Variants in AGBL1 observed in about 807,000 individuals in gnomAD.
AGBL1 encodes cytosolic carboxypeptidase 4.
Under a neutral mutation model 118.9 loss-of-function variants are expected in AGBL1, and 130 were observed. The observed-to-expected ratio is 1.09, with a 90% CI of 0.95 to 1.26. AGBL1 has a LOEUF of 1.26. Among genes scored for constraint, AGBL1 ranks in the 50% most tolerant of loss-of-function variants. The probability of loss-of-function intolerance (pLI) is 0.00; values close to 1 mark genes in which losing one functional copy is unlikely to be tolerated. For synonymous variants in AGBL1, 555 were observed against 478.9 expected (o/e 1.16, Z -2.08); for missense variants, 1,584 against 1,298.1 (o/e 1.22, Z -3.38).
intron 22 of AGBL1, among the ~76,000 whole-genome samples, chr15:86,844,485 T>C (rs560800093): frequency 7.2e-5 from 11 of 152,316 alleles, no homozygotes; most frequent in African/African-American, 2.6e-4. Context: ...TCTTTTCTTA[T>C]GCCTGTTAGC....
chr15:86,196,068 A>G (rs761003188), intron 5 of AGBL1, among the ~76,000 whole-genome samples: 1 of 152,250 alleles, frequency 6.6e-6, no homozygotes, highest in African/African-American at 2.4e-5. Flanking sequence ...GCATACTAAT[A>G]TATGTTGTAC....
chr15:86,683,139 TG>T (rs1009550425), intron 22 of AGBL1, among the ~76,000 whole-genome samples: 4 of 151,972 alleles, frequency 2.6e-5, no homozygotes, highest in Non-Finnish European at 4.4e-5. Context: ...AACTGACAGA[TG>T]GGGGGGCATT....
At chr15:86,522,486 G>C (rs768156883) in intron 18 of AGBL1, among the ~76,000 whole-genome samples, 1 of 152,192 alleles carries the variant, frequency 6.6e-6, no homozygotes, top group African/African-American at 2.4e-5. Context: ...AGAACGCATA[G>C]CCTAGAGAAA....
intron 22 of AGBL1, among the ~76,000 whole-genome samples, chr15:86,878,056 T>C (rs1055544654): frequency 2.0e-5 from 3 of 152,090 alleles, no homozygotes; most frequent in Non-Finnish European, 4.4e-5. Flanking sequence ...AGAAAATACC[T>C]CCAAGAGGGA....
chr15:86,159,563 A>G (rs962567128), intron 5 of AGBL1, among the ~76,000 whole-genome samples: 4 of 152,056 alleles, frequency 2.6e-5, no homozygotes. Context: ...TGATTGGAAA[A>G]TGAAACTCAG....
chr15:86,495,668 G>T (rs1393837638), intron 18 of AGBL1, among the ~76,000 whole-genome samples: 1 of 151,752 alleles, frequency 6.6e-6, no homozygotes, highest in East Asian at 1.9e-4. Context: ...AAACAACCTG[G>T]TCTCTACAGT....
chr15:86,447,572 T>A (rs2082137510), intron 18 of AGBL1, among the ~76,000 whole-genome samples: 1 of 152,190 alleles, frequency 6.6e-6, no homozygotes, highest in Non-Finnish European at 1.5e-5. Context: ...GAGGTGTGTT[T>A]TAAATCACTC....
chr15:86,663,853 G>GA (rs1454788102), intron 21 of AGBL1, among the ~76,000 whole-genome samples: 4 of 151,954 alleles, frequency 2.6e-5, no homozygotes, highest in African/African-American at 7.2e-5. Flanking sequence ...TTATGCATCC[G>GA]AAAAAAACAG....
At chr15:86,225,853 A>G (rs1312512047) in intron 6 of AGBL1, among the ~76,000 whole-genome samples, 1 of 152,178 alleles carries the variant, frequency 6.6e-6, no homozygotes, top group Non-Finnish European at 1.5e-5. Flanking sequence ...CCCCATCCAT[A>G]CATCTCTGTC....
chr15:86,198,721 C>T (rs1185245279), intron 5 of AGBL1, among the ~76,000 whole-genome samples: 4 of 151,704 alleles, frequency 2.6e-5, no homozygotes, highest in Non-Finnish European at 5.9e-5. Context: ...GAGGGAGGGC[C>T]ATGTAAGAAT....
At chr15:86,889,620 C>G (rs952645375) in intron 22 of AGBL1, among the ~76,000 whole-genome samples, 1 of 152,150 alleles carries the variant, frequency 6.6e-6, no homozygotes, top group African/African-American at 2.4e-5. Context: ...TTGTTCAGCT[C>G]CCACTTATAA....
At chr15:86,811,904 G>C (rs2078795373) in intron 22 of AGBL1, among the ~76,000 whole-genome samples, 1 of 152,092 alleles carries the variant, frequency 6.6e-6, no homozygotes, top group Non-Finnish European at 1.5e-5. Flanking sequence ...CATTTTAACT[G>C]GCTACAGCCA....
downstream of AGBL1, among the ~76,000 whole-genome samples, chr15:87,030,019 A>C (rs562642425): frequency 4.6e-5 from 7 of 152,124 alleles, no homozygotes; most frequent in African/African-American, 1.4e-4. Context: ...AAATGAAAAA[A>C]AAATCTATAT....
rs1378507416 is a variant in AGBL1, at chr15:86,740,240, C to T, written c.3158+65804C>T. Among the ~76,000 whole-genome samples, 8 of 152,218 alleles carry T rather than the reference C, an allele frequency of 5.3e-5. No homozygotes were observed. In the East Asian group the frequency reaches 1.5e-3, roughly 29 times the overall value. ...AAGAAAATTGTTTCCCTAGCATCCC[C>T]ATACTGGGATTGCCCCAGACCTTTC... is the stretch of plus-strand genomic sequence containing the variant. On this transcript the variant is annotated intron_variant, in intron 22 of 22. Coordinates refer to ENST00000614907, the MANE Select transcript of AGBL1 (RefSeq NM_001386094.1).
intron 23 of AGBL1, among the ~76,000 whole-genome samples, chr15:86,971,308 G>A (rs1229785937): frequency 6.6e-6 from 1 of 151,904 alleles, no homozygotes; most frequent in African/African-American, 2.4e-5. Context: ...TTTTGAGTAT[G>A]TTTCTATTAA....
intron 18 of AGBL1, among the ~76,000 whole-genome samples, chr15:86,457,075 C>T (rs1409050764): frequency 6.6e-6 from 1 of 152,084 alleles, no homozygotes; most frequent in African/African-American, 2.4e-5. Flanking sequence ...GCTAATATTA[C>T]CACATTCGAA....
At position 86,999,123 on chromosome 15, in the gene AGBL1, C is replaced by T. The variant is rs922617285; in HGVS notation, c.3323+11035C>T. Among the ~76,000 whole-genome samples the T allele has an allele frequency of 4.0e-5, 6 of 149,680 alleles. 1 individual carries two copies. Among genetic ancestry groups the T allele is most frequent in the South Asian group, 4.2e-4 (2 of 4,732 alleles). On this transcript the variant is annotated intron_variant, in intron 24 of 24. Coordinates refer to the AGBL1 transcript ENST00000441037. ...ATGCAGTGTTTGTTTTTTCGTCCTT[C>T]GATAGTTTGCTGAGAACGATGGTTT... is the stretch of plus-strand genomic sequence containing the variant.
At chr15:86,131,169 A>G (rs2076813998) in intron 1 of AGBL1, among the ~76,000 whole-genome samples, 1 of 152,148 alleles carries the variant, frequency 6.6e-6, no homozygotes, top group South Asian at 2.1e-4. Context: ...CCTGATGCCT[A>G]TTTCTTAATC....
intron 22 of AGBL1, among the ~76,000 whole-genome samples, chr15:86,858,775 G>A (rs2079521055): frequency 6.6e-6 from 1 of 152,154 alleles, no homozygotes. Context: ...GTGGGGTAGG[G>A]GGATGGAGTG....
Sources: allele counts gnomAD v4.1 joint callset (sites outside exome capture counted in the v4.1 genomes callset), GRCh38; gene constraint gnomAD v4.1.1; transcripts MANE v1.5; gene names NCBI Gene and HGNC (gene_info 2026-07-23, HGNC 2026-07-21).